Variants in GRM5 observed in about 807,000 individuals in gnomAD.
GRM5 encodes the protein metabotropic glutamate receptor 5.
Under a neutral mutation model 83.1 loss-of-function variants are expected in GRM5, and 19 were observed. That is an observed-to-expected ratio of 0.23 (90% CI 0.16 to 0.34). GRM5 has a LOEUF of 0.34. Ranked by LOEUF, GRM5 falls within the 10% of genes least tolerant of loss-of-function variation. The probability of loss-of-function intolerance (pLI) is 1.00; values close to 1 mark genes in which losing one functional copy is unlikely to be tolerated. For missense variants in GRM5, 1,160 were observed against 1,588.3 expected, an observed-to-expected ratio of 0.73 and a Z score of 4.58; for synonymous variants, 675 against 633.6, an observed-to-expected ratio of 1.07 and a Z score of -0.98.
chr11:88,716,389 G>A (rs920226132), intron 3 of GRM5, among the ~76,000 whole-genome samples: 2 of 151,872 alleles, frequency 1.3e-5, no homozygotes, highest in East Asian at 1.9e-4. Flanking sequence ...ATTAGGCTGA[G>A]CATTGAGATA....
intron 9 of GRM5, among the ~76,000 whole-genome samples, chr11:88,520,062 A>G (rs1941638246): frequency 6.6e-6 from 1 of 152,156 alleles, no homozygotes; most frequent in Non-Finnish European, 1.5e-5. Context: ...TCTACTGTGT[A>G]TGTTATTTTA....
At chr11:88,832,748 G>A (rs78687037) in intron 3 of GRM5, among the ~76,000 whole-genome samples, 3,878 of 152,178 alleles carry the variant, frequency 0.025, 172 homozygotes, top group African/African-American at 0.089. Flanking sequence ...AAACAATATG[G>A]TATGATAGGA....
At chr11:88,517,883 A>G (rs1312867623) in intron 9 of GRM5, among the ~76,000 whole-genome samples, 3 of 152,104 alleles carry the variant, frequency 2.0e-5, no homozygotes, top group Non-Finnish European at 4.4e-5. Context: ...TTATCTACAA[A>G]AACTATACAT....
chr11:88,762,801 A>G (rs187627173), intron 3 of GRM5, among the ~76,000 whole-genome samples: 4 of 152,152 alleles, frequency 2.6e-5, no homozygotes, highest in East Asian at 1.9e-4. Flanking sequence ...ACTGGTAAAG[A>G]AAACATAGTA....
In GRM5 at chr11:88,720,811, T is replaced by TGTGCGTGTGC. The variant is rs1555001341; in HGVS notation, c.912-67409_912-67408insGCACACGCAC. 3.8e-5 allele frequency among the ~76,000 whole-genome samples: 5 copies of TGTGCGTGTGC among 131,878 alleles called. No homozygotes were observed. In the East Asian group the frequency reaches 9.1e-4, roughly 24 times the overall value. 86.5% of individuals were successfully genotyped at this position (131,878 alleles called of 152,430 possible). A position where few individuals can be genotyped will look rare whatever the true frequency, so the allele number is the denominator to read the frequency against. ...AATCATTACTCTGTGTGTGTGTGTG[T>TGTGCGTGTGC]GTGTGTGTGCGTGTGTGTGTGTGTG... On this transcript the variant is annotated intron_variant, in intron 3 of 9. Transcript: ENST00000305447.
rs1944259442 is a variant in GRM5 at position 88,844,324 on chromosome 11, A to G, written c.911+5582T>C. Among the ~76,000 whole-genome samples the G allele has an allele frequency of 2.0e-5, 3 of 151,872 alleles. No homozygotes were observed. In the South Asian group the frequency reaches 6.2e-4, roughly 32 times the overall value. ...AACACATCTCTTTAAAGCATGGTTT[A>G]CTGAATATTTTAAGTCTACTTTTCA... is the stretch of plus-strand genomic sequence containing the variant. On this transcript the variant is annotated intron_variant, in intron 3 of 9. Coordinates refer to ENST00000305447, the MANE Select transcript of GRM5 (RefSeq NM_001143831.3).
intron 3 of GRM5, among the ~76,000 whole-genome samples, chr11:88,724,429 T>C (rs1398520239): frequency 6.6e-6 from 1 of 152,092 alleles, no homozygotes; most frequent in Non-Finnish European, 1.5e-5. Context: ...CTCCATGGTG[T>C]TATTGCACAG....
intron 4 of GRM5, among the ~76,000 whole-genome samples, chr11:88,626,493 T>C (rs1384603189): frequency 2.2e-4 from 34 of 152,220 alleles, no homozygotes; most frequent in Non-Finnish European, 8.8e-5. Context: ...AATTCTTTCT[T>C]AGATTTACAT....
chr11:88,679,478 G>A (rs1175200300), intron 3 of GRM5, among the ~76,000 whole-genome samples: 2 of 152,178 alleles, frequency 1.3e-5, no homozygotes, highest in East Asian at 1.9e-4. Flanking sequence ...GATGAGTCAA[G>A]CCTCTTTTGG....
chr11:88,717,504 G>T (rs1295732196), intron 3 of GRM5, among the ~76,000 whole-genome samples: 1 of 151,590 alleles, frequency 6.6e-6, no homozygotes, highest in African/African-American at 2.4e-5. Flanking sequence ...TACAAAGATT[G>T]AATTCCTTTA....
intron 3 of GRM5, among the ~76,000 whole-genome samples, chr11:88,797,746 T>C (rs1437972384): frequency 6.6e-6 from 1 of 152,032 alleles, no homozygotes; most frequent in African/African-American, 2.4e-5. Flanking sequence ...ATAATTAAGA[T>C]GGGTTTTTGA....
intron 2 of GRM5, among the ~76,000 whole-genome samples, chr11:88,993,413 G>A (rs1187930495): frequency 5.3e-5 from 8 of 152,184 alleles, no homozygotes; most frequent in Non-Finnish European, 1.0e-4. Flanking sequence ...CCATATATGT[G>A]TGTTTAACTC....
At chr11:88,752,392 C>G (rs1033907579) in intron 3 of GRM5, among the ~76,000 whole-genome samples, 2 of 152,116 alleles carry the variant, frequency 1.3e-5, no homozygotes, top group Non-Finnish European at 1.5e-5. Context: ...ATACAGTTAA[C>G]ATGGGAAGTG....
chr11:88,533,059 C>T (rs922421211), intron 8 of GRM5, among the ~76,000 whole-genome samples: 1 of 152,250 alleles, frequency 6.6e-6, no homozygotes. Context: ...CAACCTCCAC[C>T]CAGCAAGCAG....
At chr11:88,876,191 A>G (rs1462546890) in intron 2 of GRM5, among the ~76,000 whole-genome samples, 1 of 152,064 alleles carries the variant, frequency 6.6e-6, no homozygotes, top group African/African-American at 2.4e-5. Flanking sequence ...ACTTGCTGCA[A>G]CCTCTACAAT....
At chr11:88,685,731 G>A (rs988166976) in intron 3 of GRM5, among the ~76,000 whole-genome samples, 1 of 152,216 alleles carries the variant, frequency 6.6e-6, no homozygotes, top group African/African-American at 2.4e-5. Flanking sequence ...GGTATAGCTT[G>A]GGCTGTGGCT....
At chr11:88,931,497 C>T (rs972523603) in intron 2 of GRM5, among the ~76,000 whole-genome samples, 3 of 150,692 alleles carry the variant, frequency 2.0e-5, no homozygotes, top group East Asian at 1.9e-4. Flanking sequence ...CAGACACTAG[C>T]CTTTGATCTG....
chr11:88,890,645 G>T (rs1267057645), intron 2 of GRM5, among the ~76,000 whole-genome samples: 1 of 152,104 alleles, frequency 6.6e-6, no homozygotes, highest in Non-Finnish European at 1.5e-5. Flanking sequence ...TCGTAAAACA[G>T]ATACTAGGTT....
intron 3 of GRM5, among the ~76,000 whole-genome samples, chr11:88,779,813 C>G (rs1278212384): frequency 6.6e-6 from 1 of 152,198 alleles, no homozygotes; most frequent in East Asian, 1.9e-4. Flanking sequence ...AACACTGTTG[C>G]TAAGGTCGGT....
Sources: gnomAD v4.1 joint callset for allele counts (sites outside exome capture counted in the v4.1 genomes callset) on GRCh38, gnomAD v4.1.1 for gene constraint, MANE v1.5 for transcripts, NCBI Gene and HGNC (gene_info 2026-07-23, HGNC 2026-07-21) for gene names.